Variants in ASIC2 observed in about 807,000 individuals in gnomAD.
ASIC2 encodes acid sensing ion channel subunit 2.
A neutral mutation model predicts 57.3 loss-of-function variants in ASIC2; 25 were observed. That is an observed-to-expected ratio of 0.44 (90% CI 0.32 to 0.61). The LOEUF is 0.61. ASIC2 is among the 20% of genes least tolerant of loss of function. The probability of loss-of-function intolerance (pLI) is 0.06; values close to 1 mark genes in which losing one functional copy is unlikely to be tolerated. For synonymous variants in ASIC2, 319 were observed against 307.5 expected, an observed-to-expected ratio of 1.04 and a Z score of -0.39; for missense variants, 641 against 738.1, an observed-to-expected ratio of 0.87 and a Z score of 1.52.
chr17:33,378,239 A>T (rs1185813955), intron 1 of ASIC2, among the ~76,000 whole-genome samples: 1 of 152,200 alleles, frequency 6.6e-6, no homozygotes, highest in Non-Finnish European at 1.5e-5. Context: ...ACACATATAC[A>T]TGTTCTATAC....
intron 1 of ASIC2, among the ~76,000 whole-genome samples, chr17:34,092,253 C>T (rs1245549680): frequency 6.6e-6 from 1 of 152,128 alleles, no homozygotes; most frequent in Non-Finnish European, 1.5e-5. Context: ...GGAGGAACAG[C>T]CTCATCAGTG....
intron 1 of ASIC2, among the ~76,000 whole-genome samples, chr17:33,376,714 G>A (rs1290255295): frequency 6.6e-6 from 1 of 152,120 alleles, no homozygotes; most frequent in Non-Finnish European, 1.5e-5. Context: ...TCTATAAGCA[G>A]AATTCTTTAA....
chr17:33,189,052 CG>C (rs1396012967), intron 1 of ASIC2, among the ~76,000 whole-genome samples: 1 of 151,928 alleles, frequency 6.6e-6, no homozygotes, highest in Non-Finnish European at 1.5e-5. Flanking sequence ...TACATACAGT[CG>C]TATAACATTT....
intron 1 of ASIC2, among the ~76,000 whole-genome samples, chr17:33,645,046 G>A (rs1177821372): frequency 6.6e-5 from 10 of 152,108 alleles, no homozygotes; most frequent in Admixed American, 2.0e-4. Context: ...AGTTTATTGC[G>A]CGTGTTCCTG....
At chr17:33,802,040 G>C (rs1489239009) in intron 1 of ASIC2, among the ~76,000 whole-genome samples, 2 of 152,258 alleles carry the variant, frequency 1.3e-5, no homozygotes, top group Non-Finnish European at 2.9e-5. Context: ...GACATGGAGA[G>C]AAGGTGTTTT....
At chr17:33,067,414 G>T (rs2092048147) in intron 3 of ASIC2, among the ~76,000 whole-genome samples, 1 of 152,168 alleles carries the variant, frequency 6.6e-6, no homozygotes, top group African/African-American at 2.4e-5. Context: ...GAAAGTGTTG[G>T]ATTTGTATAT....
At chr17:33,189,862 C>G (rs1411523680) in intron 1 of ASIC2, among the ~76,000 whole-genome samples, 1 of 152,098 alleles carries the variant, frequency 6.6e-6, no homozygotes, top group East Asian at 1.9e-4. Context: ...GGGGACACCC[C>G]TTTCTCAACA....
At chr17:33,844,030 A>T (rs192988272) in intron 1 of ASIC2, among the ~76,000 whole-genome samples, 1 of 152,184 alleles carries the variant, frequency 6.6e-6, no homozygotes, top group Non-Finnish European at 1.5e-5. Context: ...GCATAAATTT[A>T]TCTTTTAAAA....
intron 1 of ASIC2, among the ~76,000 whole-genome samples, chr17:34,065,363 G>C (rs1909132668): frequency 6.6e-6 from 1 of 152,150 alleles, no homozygotes; most frequent in South Asian, 2.1e-4. Flanking sequence ...AGGGGGAAGA[G>C]TGGAAGGGGA....
At chr17:33,799,370 C>T (rs928788227) in intron 1 of ASIC2, among the ~76,000 whole-genome samples, 8 of 109,878 alleles carry the variant, frequency 7.3e-5, no homozygotes, top group African/African-American at 2.9e-4. Context: ...TTCTTTCTTT[C>T]TTTCTTCCTT....
intron 1 of ASIC2, among the ~76,000 whole-genome samples, chr17:33,579,705 C>T (rs898938612): frequency 6.6e-6 from 1 of 152,156 alleles, no homozygotes; most frequent in African/African-American, 2.4e-5. Flanking sequence ...CCTTCGCAGC[C>T]AGCGTTACAA....
chr17:33,488,323 T>C (rs1913641763), intron 1 of ASIC2, among the ~76,000 whole-genome samples: 1 of 152,130 alleles, frequency 6.6e-6, no homozygotes. Context: ...GCACAGGCCA[T>C]CCCCCAGTGT....
intron 1 of ASIC2, among the ~76,000 whole-genome samples, chr17:33,843,494 C>T (rs1040966148): frequency 2.0e-5 from 3 of 152,158 alleles, no homozygotes; most frequent in Admixed American, 2.0e-4. Context: ...AGAAGAGTCA[C>T]TGAGAATGAT....
chr17:33,520,488 A>C (rs954893630), intron 1 of ASIC2, among the ~76,000 whole-genome samples: 1 of 152,194 alleles, frequency 6.6e-6, no homozygotes, highest in African/African-American at 2.4e-5. Flanking sequence ...GAGGAGCTGG[A>C]AGGATAGTTT....
chr17:33,340,253 G>C (rs1907672103), intron 1 of ASIC2, among the ~76,000 whole-genome samples: 1 of 152,108 alleles, frequency 6.6e-6, no homozygotes, highest in Non-Finnish European at 1.5e-5. Context: ...CTGGAAGCTG[G>C]AGTGGGCCAG....
intron 1 of ASIC2, among the ~76,000 whole-genome samples, chr17:33,389,686 A>C (rs1909821172): frequency 6.6e-6 from 1 of 152,228 alleles, no homozygotes; most frequent in South Asian, 2.1e-4. Context: ...AGATTTGGAA[A>C]GCACTTATCA....
At chr17:33,488,552 C>T (rs1913650941) in intron 1 of ASIC2, among the ~76,000 whole-genome samples, 1 of 152,132 alleles carries the variant, frequency 6.6e-6, no homozygotes, top group Admixed American at 6.5e-5. Context: ...TGTTCTTTTG[C>T]TATGTTTGGT....
At chr17:33,188,534 T>C (rs922917809) in intron 1 of ASIC2, among the ~76,000 whole-genome samples, 2 of 152,080 alleles carry the variant, frequency 1.3e-5, no homozygotes, top group African/African-American at 4.8e-5. Context: ...TGCTGAAAAG[T>C]ACTGATAAAG....
chr17:34,075,429 G>A (rs1567810456), intron 1 of ASIC2, among the ~76,000 whole-genome samples: 1 of 152,090 alleles, frequency 6.6e-6, no homozygotes, highest in Non-Finnish European at 1.5e-5. Context: ...TCAATCAGTG[G>A]GTTTCAAACA....
Sources: allele counts gnomAD v4.1 joint callset (sites outside exome capture counted in the v4.1 genomes callset), GRCh38; gene constraint gnomAD v4.1.1; transcripts MANE v1.5; gene names NCBI Gene and HGNC (gene_info 2026-07-23, HGNC 2026-07-21).